Variants in CDC42BPA observed in about 807,000 individuals in gnomAD.
CDC42BPA encodes CDC42 binding protein kinase alpha.
A neutral mutation model predicts 223.5 loss-of-function variants in CDC42BPA; 80 were observed. The ratio of observed to expected loss-of-function variants is 0.36; its 90% CI spans 0.30 to 0.43. The LOEUF (loss-of-function observed/expected upper bound fraction) is 0.43, where lower values mean the gene tolerates loss of function less well. Ranked by LOEUF, CDC42BPA falls within the 20% of genes least tolerant of loss-of-function variation. CDC42BPA has a pLI of 1.00. For missense variants in CDC42BPA, 1,743 were observed against 2,099.9 expected (o/e 0.83, Z 3.32); for synonymous variants, 694 against 718.6 (o/e 0.97, Z 0.55).
chr1:227,167,380 TTTTC>T (rs1665230638), intron 5 of CDC42BPA, among the ~76,000 whole-genome samples: 1 of 152,190 alleles, frequency 6.6e-6, no homozygotes, highest in Non-Finnish European at 1.5e-5. Flanking sequence ...ACAAATGACC[TTTTC>T]ACTGCCAAAT....
chr1:227,299,010 T>C lies in CDC42BPA; in HGVS notation c.178+17995A>G, dbSNP rs569802447. On this transcript the variant is annotated intron_variant, in intron 1 of 36. Coordinates refer to ENST00000366766, the MANE Select transcript of CDC42BPA (RefSeq NM_001394014.1). ...TAGAGTAGCATAAATAGAAATCAAG[T>C]GAAACAGTTAAAGTGAAAGTCATTC... Among the ~76,000 whole-genome samples the C allele has an allele frequency of 3.3e-5, 5 of 152,242 alleles. No homozygotes were observed. The South Asian group carries it at 1.0e-3, about 32-fold the overall frequency.
intron 35 of CDC42BPA, among the ~76,000 whole-genome samples, chr1:226,996,204 G>A (rs919173016): frequency 6.6e-6 from 1 of 152,208 alleles, no homozygotes; most frequent in African/African-American, 2.4e-5. Context: ...GTGGTTTACT[G>A]TTTAGCGTAT....
chr1:227,251,853 G>A (rs974941792), intron 2 of CDC42BPA, among the ~76,000 whole-genome samples: 2 of 151,940 alleles, frequency 1.3e-5, no homozygotes, highest in East Asian at 1.9e-4. Context: ...TAGAGTATGC[G>A]TTCTAACCAC....
At chr1:227,251,174 G>C (rs1015504523) in intron 2 of CDC42BPA, among the ~76,000 whole-genome samples, 2 of 151,730 alleles carry the variant, frequency 1.3e-5, no homozygotes, top group African/African-American at 2.4e-5. Context: ...TAAATAAATA[G>C]GTACAATATA....
rs532945076 is a variant in CDC42BPA, at chr1:227,016,278, T to C, written c.4740-81A>G. The stretch of plus-strand genomic sequence containing the variant: ...ATGAAAAAAATTAAGCTTAATTTTC[T>C]TAATAAAAATACAACTGTTAAATCA... On this transcript the variant is annotated intron_variant, in intron 33 of 36. Coordinates refer to ENST00000366766, the MANE Select transcript of CDC42BPA (RefSeq NM_001394014.1). 222 of 767,022 alleles carry C rather than the reference T, an allele frequency of 2.9e-4. 1 individual carries two copies. Among genetic ancestry groups the C allele is most frequent in the Admixed American group, 5.9e-4 (29 of 49,372 alleles). The allele number at this position is 767,022 out of a possible 1,614,324, so 47.5% of individuals were successfully genotyped here. A position where few individuals can be genotyped will look rare whatever the true frequency, so the allele number is the denominator to read the frequency against.
intron 1 of CDC42BPA, among the ~76,000 whole-genome samples, chr1:227,294,733 G>A (rs993421661): frequency 8.6e-6 from 1 of 116,868 alleles, no homozygotes; most frequent in Non-Finnish European, 1.8e-5. Context: ...GGTAGCGGGC[G>A]CCTGTAGTCC....
At chr1:227,257,202 T>C (rs988902421) in intron 1 of CDC42BPA, among the ~76,000 whole-genome samples, 5 of 152,158 alleles carry the variant, frequency 3.3e-5, no homozygotes, top group South Asian at 2.1e-4. Flanking sequence ...TGAAAACTTA[T>C]GGCTTAATGG....
At chr1:227,298,372 T>C (rs1203667677) in intron 1 of CDC42BPA, among the ~76,000 whole-genome samples, 2 of 152,084 alleles carry the variant, frequency 1.3e-5, no homozygotes, top group African/African-American at 2.4e-5. Flanking sequence ...TTTGTAATAA[T>C]ATCCTCAGGT....
intron 1 of CDC42BPA, among the ~76,000 whole-genome samples, chr1:227,310,919 C>A (rs917959575): frequency 6.6e-6 from 1 of 151,754 alleles, no homozygotes; most frequent in African/African-American, 2.4e-5. Context: ...TCTCAATCTC[C>A]TGACCTCGTG....
intron 1 of CDC42BPA, among the ~76,000 whole-genome samples, chr1:227,309,323 G>A (rs761759168): frequency 2.0e-5 from 3 of 151,978 alleles, no homozygotes; most frequent in Non-Finnish European, 4.4e-5. Flanking sequence ...CAAAAACTCT[G>A]AACAAAAGTT....
At chr1:227,248,758 T>C (rs1481814007) in intron 2 of CDC42BPA, among the ~76,000 whole-genome samples, 4 of 151,932 alleles carry the variant, frequency 2.6e-5, no homozygotes, top group Non-Finnish European at 4.4e-5. Flanking sequence ...AATATACTGA[T>C]GAAACACTGA....
chr1:227,251,543 A>T lies in CDC42BPA; in HGVS notation c.270+2521T>A, dbSNP rs573407116. On this transcript the variant is annotated intron_variant, in intron 2 of 36. Coordinates refer to ENST00000366766, the MANE Select transcript of CDC42BPA (RefSeq NM_001394014.1). Reference sequence around the variant, plus strand: ...GCTAAAACGAAAAGGACAGAATAAGATATTTAATGAAAATACTAATAAAAA... The same window carrying T: ...GCTAAAACGAAAAGGACAGAATAAGTTATTTAATGAAAATACTAATAAAAA... Among the ~76,000 whole-genome samples the T allele has an allele frequency of 5.9e-5, 9 of 152,302 alleles. No homozygotes were observed. The East Asian group carries it at 1.2e-3, about 20-fold the overall frequency.
chr1:227,263,457 G>T (rs986546000), intron 1 of CDC42BPA, among the ~76,000 whole-genome samples: 7 of 152,042 alleles, frequency 4.6e-5, no homozygotes, highest in African/African-American at 1.7e-4. Context: ...CAGCATAGTG[G>T]TCATGATCAG....
intron 32 of CDC42BPA, among the ~76,000 whole-genome samples, chr1:227,019,912 T>C (rs1394096182): frequency 6.6e-6 from 1 of 152,166 alleles, no homozygotes; most frequent in African/African-American, 2.4e-5. Flanking sequence ...TTTTTTTTTT[T>C]TGAGATGGAG....
chr1:227,198,583 A>C (rs571924641), intron 4 of CDC42BPA, among the ~76,000 whole-genome samples: 1 of 152,240 alleles, frequency 6.6e-6, no homozygotes, highest in East Asian at 1.9e-4. Context: ...GGGATATAAA[A>C]GACTAGTAAT....
chr1:227,238,399 T>C (rs1212710667), intron 2 of CDC42BPA, among the ~76,000 whole-genome samples: 2 of 152,030 alleles, frequency 1.3e-5, no homozygotes, highest in Non-Finnish European at 2.9e-5. Context: ...CAGCAAACCA[T>C]GGCCTGAAGG....
intron 1 of CDC42BPA, among the ~76,000 whole-genome samples, chr1:227,298,369 T>C (rs1350194300): frequency 3.3e-5 from 5 of 152,112 alleles, no homozygotes; most frequent in Non-Finnish European, 5.9e-5. Flanking sequence ...TTTTTTGTAA[T>C]AATATCCTCA....
intron 1 of CDC42BPA, among the ~76,000 whole-genome samples, chr1:227,295,157 C>T (rs774778517): frequency 1.3e-5 from 2 of 151,986 alleles, no homozygotes; most frequent in Non-Finnish European, 2.9e-5. Flanking sequence ...ATTCACAATA[C>T]ATATATATGA....
rs910022789 is a variant in CDC42BPA, at chr1:226,991,950, G to A, written c.*2318C>T. Reference sequence around the variant, plus strand: ...GAGGAGAAGGCAAGGGGAAAGGGAAGAGGAGGATGGGGAGGGTGGGGATGG... The same window carrying A: ...GAGGAGAAGGCAAGGGGAAAGGGAAAAGGAGGATGGGGAGGGTGGGGATGG... On this transcript the variant is annotated 3_prime_UTR_variant, in exon 37 of 37. Coordinates refer to ENST00000366766, the MANE Select transcript of CDC42BPA (RefSeq NM_001394014.1). 6.9e-6 allele frequency: 1 copy of A among 145,224 alleles called. No individual in the cohort carries two copies. Among genetic ancestry groups the A allele is most frequent in the African/African-American group, 2.6e-5 (1 of 39,172 alleles). The allele number at this position is 145,224 out of a possible 1,614,324, so 9.0% of individuals were successfully genotyped here.
Sources: allele counts gnomAD v4.1 joint callset (sites outside exome capture counted in the v4.1 genomes callset), GRCh38; gene constraint gnomAD v4.1.1; transcripts MANE v1.5; gene names NCBI Gene and HGNC (gene_info 2026-07-23, HGNC 2026-07-21).